Variants in ZNF385D observed in about 807,000 individuals in gnomAD.
ZNF385D encodes the protein zinc finger protein 385D, also known as zinc finger protein 659.
A neutral mutation model predicts 35.8 loss-of-function variants in ZNF385D; 15 were observed. That is an observed-to-expected ratio of 0.42 (90% CI 0.28 to 0.64). The LOEUF is 0.64. Ranked by LOEUF, ZNF385D falls within the 30% of genes least tolerant of loss-of-function variation. ZNF385D has a pLI of 0.23. For synonymous variants in ZNF385D, 212 were observed against 186.8 expected (o/e 1.13, Z -1.10); for missense variants, 474 against 494.6 (o/e 0.96, Z 0.39).
Position 22,267,401 on chromosome 3 carries a change from T to A in ZNF385D, c.107-98366A>T, listed in dbSNP as rs146222847. Among the ~76,000 whole-genome samples, 709 of 151,934 alleles carry A rather than the reference T, an allele frequency of 4.7e-3. 6 individuals are homozygous for A. The highest frequency in any genetic ancestry group is 0.016 in the African/African-American group (665 of 41,512). On this transcript the variant is annotated intron_variant, in intron 2 of 5. Transcript: ENST00000494108. ...CCAAAGAACACAAAAACTACATATT[T>A]AGATGCTTTTCTCTGAAAAAAAAAT...
rs188466949 is a variant in ZNF385D, at chr3:21,496,694, G to A, written c.439+14167C>T. On this transcript the variant is annotated intron_variant, in intron 4 of 7. Transcript: ENST00000281523. ...CTAACCCAGCAGCACATCAAAAAGC[G>A]AATCTACCATAATCAAATAGGCTTT... is the stretch of plus-strand genomic sequence containing the variant. 6.0e-4 allele frequency among the ~76,000 whole-genome samples: 91 copies of A among 151,306 alleles called. 1 individual carries two copies. The East Asian group carries it at 0.013, about 21-fold the overall frequency.
At chr3:22,086,936 G>A (rs1179759748) in intron 3 of ZNF385D, among the ~76,000 whole-genome samples, 2 of 152,078 alleles carry the variant, frequency 1.3e-5, no homozygotes, top group Non-Finnish European at 2.9e-5. Context: ...CCTGTCGTGG[G>A]GTGGGGGGAG....
chr3:22,196,747 C>T lies in ZNF385D; in HGVS notation c.107-27712G>A, dbSNP rs143208496. On this transcript the variant is annotated intron_variant, in intron 2 of 5. Transcript: ENST00000494108. ...CTACATTTGTTTAAACCCCAAAATA[C>T]ATTGTTGTCATTTTAAAGTTATTAT... Among the ~76,000 whole-genome samples, 485 of 152,088 alleles carry T rather than the reference C, an allele frequency of 3.2e-3. 2 individuals are homozygous for T. Among genetic ancestry groups the T allele is most frequent in the African/African-American group, 0.011 (437 of 41,536 alleles).
chr3:21,860,564 C>A (rs578004869), intron 3 of ZNF385D, among the ~76,000 whole-genome samples: 26 of 152,256 alleles, frequency 1.7e-4, no homozygotes, highest in Non-Finnish European at 2.9e-5. Context: ...GGAGACACTG[C>A]CACTGCCAAC....
chr3:22,279,787 T>G (rs1410823244), intron 2 of ZNF385D, among the ~76,000 whole-genome samples: 2 of 151,886 alleles, frequency 1.3e-5, no homozygotes, highest in Non-Finnish European at 2.9e-5. Flanking sequence ...CTTCTTTTCC[T>G]CTGGGTAGAT....
chr3:22,282,727 A>T (rs545144271), intron 2 of ZNF385D, among the ~76,000 whole-genome samples: 11 of 152,134 alleles, frequency 7.2e-5, no homozygotes, highest in Middle Eastern at 3.4e-3. Flanking sequence ...TACCAAAATA[A>T]AATCTCCTTA....
intron 3 of ZNF385D, among the ~76,000 whole-genome samples, chr3:22,030,296 T>TATATATATCCTATTTG (rs1559316676): frequency 4.0e-5 from 4 of 100,190 alleles, no homozygotes; most frequent in African/African-American, 1.7e-4. Flanking sequence ...TATATATATA[T>TATATATATCCTATTTG]ATATATCCTA....
chr3:22,272,610 T>A (rs569217491), intron 2 of ZNF385D, among the ~76,000 whole-genome samples: 2 of 152,142 alleles, frequency 1.3e-5, no homozygotes, highest in Non-Finnish European at 2.9e-5. Flanking sequence ...GAAGACATTA[T>A]GTAACACAGT....
chr3:22,129,563 T>C (rs1471041782), intron 3 of ZNF385D, among the ~76,000 whole-genome samples: 1 of 152,122 alleles, frequency 6.6e-6, no homozygotes, highest in Non-Finnish European at 1.5e-5. Flanking sequence ...TCTTTACTTA[T>C]CCCTGTCCTT....
intron 3 of ZNF385D, among the ~76,000 whole-genome samples, chr3:21,895,074 G>C (rs994768199): frequency 2.1e-4 from 32 of 152,118 alleles, no homozygotes; most frequent in African/African-American, 7.7e-4. Context: ...GGTAAAATAA[G>C]AATCTGTGGT....
intron 3 of ZNF385D, among the ~76,000 whole-genome samples, chr3:21,778,489 G>T (rs2071376195): frequency 6.6e-6 from 1 of 151,814 alleles, no homozygotes; most frequent in Non-Finnish European, 1.5e-5. Flanking sequence ...GCACCCTGTA[G>T]TCTATCAGGC....
intron 1 of ZNF385D, among the ~76,000 whole-genome samples, chr3:21,730,930 A>G (rs1006569980): frequency 3.3e-5 from 5 of 152,268 alleles, no homozygotes; most frequent in East Asian, 3.9e-4. Flanking sequence ...TGCTTTTCCT[A>G]CTGAGGCTCA....
intron 2 of ZNF385D, among the ~76,000 whole-genome samples, chr3:22,289,249 G>C (rs1457434917): frequency 2.0e-5 from 3 of 152,094 alleles, no homozygotes; most frequent in African/African-American, 4.8e-5. Context: ...CTGTGATATA[G>C]GGAGACTCAA....
chr3:21,673,665 T>C (rs1195593602), intron 1 of ZNF385D, among the ~76,000 whole-genome samples: 2 of 152,108 alleles, frequency 1.3e-5, no homozygotes, highest in African/African-American at 2.4e-5. Context: ...ATGATGATCA[T>C]ACTCAAAGAA....
chr3:21,881,928 G>C (rs1022856696), intron 3 of ZNF385D, among the ~76,000 whole-genome samples: 3 of 152,040 alleles, frequency 2.0e-5, no homozygotes, highest in East Asian at 1.9e-4. Flanking sequence ...ACTAGAATTA[G>C]AAGTGGAGCC....
chr3:21,798,720 G>T (rs1424984311), intron 3 of ZNF385D, among the ~76,000 whole-genome samples: 3 of 152,110 alleles, frequency 2.0e-5, no homozygotes, highest in Non-Finnish European at 4.4e-5. Context: ...ACTCAAAGAA[G>T]GGGGAGCTGA....
intron 3 of ZNF385D, among the ~76,000 whole-genome samples, chr3:21,772,278 G>A (rs114585177): frequency 0.015 from 2,295 of 151,924 alleles, 69 homozygotes; most frequent in African/African-American, 0.052. Flanking sequence ...ACTATCAGCA[G>A]AGTAGAAAGG....
chr3:21,648,385 C>A (rs973198212), intron 2 of ZNF385D, among the ~76,000 whole-genome samples: 1 of 152,132 alleles, frequency 6.6e-6, no homozygotes, highest in African/African-American at 2.4e-5. Context: ...ATCAATTAAA[C>A]CTCTTTTCTT....
intron 2 of ZNF385D, among the ~76,000 whole-genome samples, chr3:22,321,060 T>A (rs950805508): frequency 2.0e-5 from 3 of 151,858 alleles, no homozygotes; most frequent in Non-Finnish European, 4.4e-5. Context: ...TTTTTACAAT[T>A]GTTTCAGAAA....
Sources: allele counts gnomAD v4.1 joint callset (sites outside exome capture counted in the v4.1 genomes callset), GRCh38; gene constraint gnomAD v4.1.1; transcripts MANE v1.5; gene names NCBI Gene and HGNC (gene_info 2026-07-23, HGNC 2026-07-21).